The following PTPRN2 variants were observed in gnomAD, a reference collection of about 807,000 sequenced individuals.
PTPRN2 encodes receptor-type tyrosine-protein phosphatase N2.
PTPRN2 carries 74 observed loss-of-function variants against 118.8 expected under a neutral mutation model. The ratio of observed to expected loss-of-function variants is 0.62; its 90% CI spans 0.52 to 0.76. The LOEUF (loss-of-function observed/expected upper bound fraction) is 0.76. Among genes scored for constraint, PTPRN2 ranks in the 30% least tolerant of loss-of-function variants. The pLI is 0.00. For synonymous variants in PTPRN2, 641 were observed against 608.0 expected, an observed-to-expected ratio of 1.05 and a Z score of -0.80; for missense variants, 1,481 against 1,394.4, an observed-to-expected ratio of 1.06 and a Z score of -0.99.
At chr7:158,465,764 G>A (rs1819341848) in intron 2 of PTPRN2, among the ~76,000 whole-genome samples, 1 of 152,188 alleles carries the variant, frequency 6.6e-6, no homozygotes, top group Non-Finnish European at 1.5e-5. Context: ...CTTGGGAAAA[G>A]CCAGCTACCT....
intron 10 of PTPRN2, among the ~76,000 whole-genome samples, chr7:158,108,352 T>A (rs1347439998): frequency 1.3e-5 from 2 of 151,996 alleles, no homozygotes; most frequent in African/African-American, 2.4e-5. Flanking sequence ...AGGGCTGCTC[T>A]CTCTCAGCTC....
intron 11 of PTPRN2, among the ~76,000 whole-genome samples, chr7:158,061,312 T>A (rs1810313446): frequency 6.6e-6 from 1 of 152,146 alleles, no homozygotes; most frequent in Non-Finnish European, 1.5e-5. Flanking sequence ...GAGGACTGAG[T>A]CCACGCAGGG....
At chr7:157,708,500 G>A (rs1249524117) in intron 12 of PTPRN2, among the ~76,000 whole-genome samples, 1 of 151,958 alleles carries the variant, frequency 6.6e-6, no homozygotes, top group East Asian at 1.9e-4. Context: ...AGGAGTACCT[G>A]CAGGTGGCAG....
chr7:157,688,570 T>C (rs1349128857), intron 12 of PTPRN2, among the ~76,000 whole-genome samples: 1 of 152,102 alleles, frequency 6.6e-6, no homozygotes, highest in Non-Finnish European at 1.5e-5. Flanking sequence ...GCCCGCCTGG[T>C]CCCCAGGCCT....
intron 3 of PTPRN2, among the ~76,000 whole-genome samples, chr7:158,223,883 G>A (rs1437760783): frequency 2.6e-5 from 4 of 151,840 alleles, no homozygotes; most frequent in Non-Finnish European, 5.9e-5. Flanking sequence ...CTGTACCTAT[G>A]TCCTATTTCC....
At chr7:158,085,204 T>C (rs369287334) in intron 10 of PTPRN2, among the ~76,000 whole-genome samples, 20 of 86,150 alleles carry the variant, frequency 2.3e-4, no homozygotes, top group African/African-American at 4.9e-4. Flanking sequence ...TCCACACCCT[T>C]GACGCCCATC....
chr7:157,741,689 A>G (rs1800641539), intron 12 of PTPRN2, among the ~76,000 whole-genome samples: 1 of 152,072 alleles, frequency 6.6e-6, no homozygotes, highest in African/African-American at 2.4e-5. Flanking sequence ...CCTCTAAGCT[A>G]TGAGGGAAGA....
At chr7:158,557,268 CGCAGGTCAGGCGGCTCCTGT>C (rs1563432005) in intron 1 of PTPRN2, among the ~76,000 whole-genome samples, 4 of 142,444 alleles carry the variant, frequency 2.8e-5, no homozygotes, top group Admixed American at 2.8e-4. Context: ...GTGGCTCCCG[CGCAGGTCAGGCGGCTCCTGT>C]GCAGGTCGCT....
chr7:158,151,724 T>A (rs1318860283), intron 6 of PTPRN2, among the ~76,000 whole-genome samples: 1 of 152,114 alleles, frequency 6.6e-6, no homozygotes, highest in Non-Finnish European at 1.5e-5. Flanking sequence ...CTCCCTCCCT[T>A]GCTAGCTGCA....
intron 1 of PTPRN2, among the ~76,000 whole-genome samples, chr7:158,550,312 T>C (rs911586070): frequency 5.9e-5 from 9 of 152,170 alleles, no homozygotes; most frequent in Non-Finnish European, 2.9e-5. Flanking sequence ...CTCCTGAGGC[T>C]GCCACTGGGA....
intron 6 of PTPRN2, among the ~76,000 whole-genome samples, chr7:158,149,080 C>T (rs1195831691): frequency 1.4e-5 from 2 of 140,984 alleles, no homozygotes; most frequent in African/African-American, 2.6e-5. Flanking sequence ...CATTCCCCCT[C>T]ACTGACACCC....
At chr7:157,563,004 A>G (rs1639795) in intron 21 of PTPRN2, among the ~76,000 whole-genome samples, 53,073 of 55,702 alleles carry the variant, frequency 0.95, 25,467 homozygotes, top group Middle Eastern at 1. Context: ...TCAGGACCAC[A>G]TGCTCCCACG....
At position 157,725,707 on chromosome 7, in the gene PTPRN2, CCACA is replaced by C. The variant is rs1799543168; in HGVS notation, c.1789-42774_1789-42771del. 2.7e-4 allele frequency among the ~76,000 whole-genome samples: 23 copies of C among 85,920 alleles called. 1 individual carries two copies. Among genetic ancestry groups the C allele is most frequent in the East Asian group, 5.8e-4 (2 of 3,436 alleles). The allele number at this position is 85,920 out of a possible 152,430, so 56.4% of individuals were successfully genotyped here. A position where few individuals can be genotyped will look rare whatever the true frequency, so the allele number is the denominator to read the frequency against. On this transcript the variant is annotated intron_variant, in intron 12 of 22. Coordinates refer to ENST00000389418, the MANE Select transcript of PTPRN2 (RefSeq NM_002847.5). ...CTCGCCTCCCAGGAGAACTGGATAT[CCACA>C]TGCAGAGGAGTGAGCCAGACCCTCA... is the stretch of plus-strand genomic sequence containing the variant.
intron 11 of PTPRN2, among the ~76,000 whole-genome samples, chr7:157,961,963 T>C (rs1396789583): frequency 5.3e-5 from 8 of 152,018 alleles, no homozygotes; most frequent in Non-Finnish European, 8.8e-5. Flanking sequence ...ACCCGGGGTG[T>C]GTGGGAGGCT....
rs1258571421 is a variant in PTPRN2 at position 157,615,543 on chromosome 7, T to A, written c.2344+5819A>T. ...GTGACCCCATCGCAAGGCCGGGCCG[T>A]GGAAACAATCTCAGCCCTGGAACCA... On this transcript the variant is annotated intron_variant, in intron 15 of 22. Transcript: ENST00000389418. This position sits in a 1 kb window ranked among gnomAD's most constrained non-coding sequence, Gnocchi z 4.3. The A allele has an allele frequency of 2.1e-6, 1 of 471,120 alleles. No homozygotes were observed. The highest frequency in any genetic ancestry group is 2.3e-5 in the Admixed American group (1 of 42,586). 29.2% of individuals were successfully genotyped at this position (471,120 alleles called of 1,614,324 possible).
chr7:158,136,998 C>T (rs1375650266), intron 7 of PTPRN2, among the ~76,000 whole-genome samples: 2 of 152,164 alleles, frequency 1.3e-5, no homozygotes, highest in Non-Finnish European at 2.9e-5. Context: ...AAAAAAAACC[C>T]CATCGTACCG....
intron 16 of PTPRN2, among the ~76,000 whole-genome samples, chr7:157,599,678 G>A (rs549715053): frequency 3.9e-5 from 6 of 152,344 alleles, no homozygotes; most frequent in East Asian, 3.9e-4. Context: ...TGAAGGGAAC[G>A]CCAGTTTCTG....
At chr7:158,273,371 C>A (rs1199274881) in intron 3 of PTPRN2, among the ~76,000 whole-genome samples, 1 of 152,240 alleles carries the variant, frequency 6.6e-6, no homozygotes, top group Non-Finnish European at 1.5e-5. Flanking sequence ...CTGCCTGCAG[C>A]CCTGTCCCAG....
Position 158,418,405 on chromosome 7 carries a change from CTG to C in PTPRN2, c.163+71328_163+71329del, listed in dbSNP as rs1209615209. 3.3e-5 allele frequency among the ~76,000 whole-genome samples: 5 copies of C among 149,422 alleles called. 1 individual carries two copies. Among genetic ancestry groups the C allele is most frequent in the Non-Finnish European group, 7.4e-5 (5 of 67,538 alleles). ...AGATGCTCTAGCTCTCAGTGTCCCA[CTG>C]TGTTGTCATGGTGTACTACATCGAG... On this transcript the variant is annotated intron_variant, in intron 2 of 22. Coordinates refer to ENST00000389418, the MANE Select transcript of PTPRN2 (RefSeq NM_002847.5).
Sources: allele counts gnomAD v4.1 joint callset (sites outside exome capture counted in the v4.1 genomes callset), GRCh38; gene constraint gnomAD v4.1.1; non-coding constraint Gnocchi (gnomAD v3.1); transcripts MANE v1.5; gene names NCBI Gene and HGNC (gene_info 2026-07-23, HGNC 2026-07-21).